Variants in SMG1 observed in about 807,000 individuals in gnomAD.
SMG1 encodes the protein serine/threonine-protein kinase SMG1.
SMG1 carries 22 observed loss-of-function variants against 419.9 expected under a neutral mutation model. The ratio of observed to expected loss-of-function variants is 0.05; its 90% CI spans 0.04 to 0.07. SMG1 has a LOEUF of 0.07. SMG1 is among the 10% of genes least tolerant of loss of function. SMG1 has a pLI of 1.00. For synonymous variants in SMG1, 1,538 were observed against 1,553.5 expected (o/e 0.99, Z 0.23); for missense variants, 3,185 against 4,342.0 (o/e 0.73, Z 7.49).
chr16:18,894,764 A>T (rs2037042209), intron 3 of SMG1, among the ~76,000 whole-genome samples: 1 of 151,506 alleles, frequency 6.6e-6, no homozygotes. Flanking sequence ...TTTACCGATA[A>T]ATTTCTCTTT....
intron 55 of SMG1, among the ~76,000 whole-genome samples, chr16:18,819,911 C>T (rs1371384654): frequency 6.6e-6 from 1 of 152,116 alleles, no homozygotes; most frequent in Non-Finnish European, 1.5e-5. Flanking sequence ...GGAAGTTTCA[C>T]TTTCATTTTA....
intron 57 of SMG1, 107 bp downstream of exon 57, chr16:18,817,184 A>T: frequency 4.2e-6 from 3 of 712,920 alleles, no homozygotes; most frequent in East Asian, 5.1e-5. Context: ...ACAACCTCTT[A>T]CATACAGTAT....
At position 18,870,014 on chromosome 16, in the gene SMG1, T is replaced by C. The variant is rs756287209; in HGVS notation, c.2493-20A>G. The C allele has an allele frequency of 3.3e-6, 5 of 1,515,126 alleles. No individual in the cohort carries two copies. The highest frequency in any genetic ancestry group is 1.4e-5 in the African/African-American group (1 of 72,198). The allele number at this position is 1,515,126 out of a possible 1,614,324, so 93.9% of individuals were successfully genotyped here. On this transcript the variant is annotated intron_variant, in intron 18 of 62. Transcript: ENST00000446231. ...TTATTGCTGTAGACAGAAAATAAAG[T>C]TGTTATGCAAAATATTTTAGCTTAA...
rs1458565451 is a variant in SMG1, at chr16:18,838,579, G to A, written c.7056C>T (p.His2352=). 1.2e-6 allele frequency: 2 copies of A among 1,613,350 alleles called. No individual in the cohort carries two copies. Among genetic ancestry groups the A allele is most frequent in the South Asian group, 2.2e-5 (2 of 91,060 alleles). ...LIDMTTGEVV[H]IDYNVCFEKG... ...TTTCAAAGCAAACATTGTAATCTAT[G>A]TGAACAACTTCTCCAGTCGTCATAT... is the stretch of plus-strand genomic sequence containing the variant. Residue 2352 remains histidine (H), a synonymous_variant, in exon 43 of 63, where the codon CAC becomes CAT. Transcript: ENST00000446231.
chr16:18,888,526 G>A (rs976818224), intron 6 of SMG1, among the ~76,000 whole-genome samples: 11 of 151,202 alleles, frequency 7.3e-5, no homozygotes, highest in African/African-American at 2.4e-5. Context: ...CCCAGGCAAT[G>A]GTGTGATCTC....
chr16:18,907,022 G>A (rs1252040758), intron 1 of SMG1, among the ~76,000 whole-genome samples: 1 of 152,192 alleles, frequency 6.6e-6, no homozygotes, highest in Non-Finnish European at 1.5e-5. Context: ...AGTGGCTCAC[G>A]CCTGTAATCC....
chr16:18,880,987 G>C (rs1426176281), intron 10 of SMG1, among the ~76,000 whole-genome samples: 1 of 150,624 alleles, frequency 6.6e-6, no homozygotes, highest in Non-Finnish European at 1.5e-5. Flanking sequence ...AAAAAAAGCT[G>C]GGTATGGTGA....
At chr16:18,829,197 AAATTTCTGTGTATTGTTTTAAATT>A in intron 54 of SMG1, 65 bp downstream of exon 54, 1 of 1,192,428 alleles carries the variant, frequency 8.4e-7, no homozygotes, top group Non-Finnish European at 1.1e-6. Context: ...AGTTTTAAAA[AAATTTCTGTGTATTGTTTTAAATT>A]AATTTCCCCC....
intron 56 of SMG1, among the ~76,000 whole-genome samples, chr16:18,818,541 T>C (rs774367617): frequency 4.6e-5 from 7 of 152,074 alleles, no homozygotes; most frequent in Non-Finnish European, 7.4e-5. Context: ...CTATGATACA[T>C]TCTTAAATAG....
chr16:18,830,450 C>G, intron 51 of SMG1, 81 bp from the exon 52 acceptor site: 1 of 1,449,856 alleles, frequency 6.9e-7, no homozygotes, highest in East Asian at 2.3e-5. Context: ...GTACATCTCA[C>G]AGCTGCATGC....
intron 3 of SMG1, among the ~76,000 whole-genome samples, chr16:18,894,679 TAAAAAAAA>T (rs34559113): frequency 8.2e-6 from 1 of 121,222 alleles, no homozygotes; most frequent in African/African-American, 3.1e-5. Flanking sequence ...CACACAGTAT[TAAAAAAAA>T]AAAAAAAAAA....
intron 11 of SMG1, chr16:18,878,610 A>G (rs993151316): frequency 6.6e-6 from 1 of 151,770 alleles, no homozygotes; most frequent in Non-Finnish European, 1.5e-5. Flanking sequence ...CTGTGACAAA[A>G]AAAAAAAAAA....
Position 18,834,996 on chromosome 16 carries a change from C to T in SMG1, c.8226G>A (p.Leu2742=). 6.2e-7 allele frequency: 1 copy of T among 1,614,010 alleles called. No individual in the cohort carries two copies. The highest frequency in any genetic ancestry group is 8.5e-7 in the Non-Finnish European group (1 of 1,179,908). ...CTTTAATGCAACGTTCAATTTCTTTCAACTGATCTTCACAAACTGGCACAG... is the reference window on the plus strand; with the variant it reads ...CTTTAATGCAACGTTCAATTTCTTTTAACTGATCTTCACAAACTGGCACAG... The part of the protein sequence containing the change: ...AVTVPVCEDQ[L]KEIERCIKVF... Residue 2742 remains leucine, a synonymous_variant, in exon 49 of 63, where the codon TTG becomes TTA. Transcript: ENST00000446231.
chr16:18,854,891 T>C lies in SMG1; in HGVS notation c.4248A>G (p.Pro1416=). ...LLEKIKEQTV[P]IRSHLMELGL... ...CTAATTCCATGAGATGGCTTCTAAT[T>C]GGGACTGTTTGTTCTGAAGAGAGGA... Residue 1416 remains proline, a synonymous_variant, in exon 30 of 63, where the codon CCA becomes CCG. Coordinates refer to ENST00000446231, the MANE Select transcript of SMG1 (RefSeq NM_015092.5). The C allele has an allele frequency of 6.2e-7, 1 of 1,613,892 alleles. No homozygotes were observed. Among genetic ancestry groups the C allele is most frequent in the Non-Finnish European group, 8.5e-7 (1 of 1,179,838 alleles).
chr16:18,873,481 C>T (rs1030981276), intron 13 of SMG1, among the ~76,000 whole-genome samples: 8 of 152,154 alleles, frequency 5.3e-5, no homozygotes, highest in Non-Finnish European at 8.8e-5. Context: ...CTCGGTCTCC[C>T]GAGGGATTAC....
intron 1 of SMG1, among the ~76,000 whole-genome samples, chr16:18,919,655 T>TACACACAC (rs1253293502): frequency 3.8e-5 from 3 of 79,970 alleles, no homozygotes; most frequent in African/African-American, 4.8e-5. Context: ...TGTGTGTATA[T>TACACACAC]ATACACACAC....
chr16:18,837,121 T>C (rs1473243562), intron 46 of SMG1, 132 bp downstream of exon 46: 9 of 802,884 alleles, frequency 1.1e-5, no homozygotes, highest in Admixed American at 9.0e-5. Context: ...CACTTTGAAG[T>C]TGCAGTCACT....
chr16:18,910,310 A>C lies in SMG1; in HGVS notation c.93-13354T>G, dbSNP rs1299761874. Among the ~76,000 whole-genome samples, 3 of 150,480 alleles carry C rather than the reference A, an allele frequency of 2.0e-5. No individual in the cohort carries two copies. The Admixed American group carries it at 2.0e-4, about 10-fold the overall frequency. ...CAGTGGTGTGATCTTGGCTCACTGC[A>C]ACCTCTGCCTCCTGGGTTCAAGCAA... On this transcript the variant is annotated intron_variant, in intron 1 of 62. Coordinates refer to ENST00000446231, the MANE Select transcript of SMG1 (RefSeq NM_015092.5).
chr16:18,864,435 T>G (rs2035388548), intron 23 of SMG1, among the ~76,000 whole-genome samples: 1 of 152,024 alleles, frequency 6.6e-6, no homozygotes, highest in Non-Finnish European at 1.5e-5. Flanking sequence ...TGACCTCAGG[T>G]GATCCACCTG....
Sources: gnomAD v4.1 joint callset for allele counts (sites outside exome capture counted in the v4.1 genomes callset) on GRCh38, gnomAD v4.1.1 for gene constraint, MANE v1.5 for transcripts, NCBI Gene and HGNC (gene_info 2026-07-23, HGNC 2026-07-21) for gene names.